Variants in ARHGAP32 observed in about 807,000 individuals in gnomAD.
ARHGAP32 encodes the protein rho GTPase-activating protein 32.
Under a neutral mutation model 186.5 loss-of-function variants are expected in ARHGAP32, and 51 were observed. The ratio of observed to expected loss-of-function variants is 0.27; its 90% confidence interval spans 0.22 to 0.35. The LOEUF is 0.35. Among genes scored for constraint, ARHGAP32 ranks in the 10% least tolerant of loss-of-function variants. The pLI is 1.00. For missense variants in ARHGAP32, 2,186 were observed against 2,623.5 expected (o/e 0.83, Z 3.64); for synonymous variants, 950 against 964.3 (o/e 0.99, Z 0.27).
intron 14 of ARHGAP32, 150 bp downstream of exon 14, chr11:128,986,374 A>T: frequency 1.2e-6 from 1 of 825,254 alleles, no homozygotes; most frequent in Non-Finnish European, 1.9e-6. Flanking sequence ...AGCAAAGACC[A>T]CCGACTAGCT....
In ARHGAP32 at chr11:128,970,861, C is replaced by G. The variant is rs143540671; in HGVS notation, c.4352G>C (p.Ser1451Thr). The G allele has an allele frequency of 5.0e-6, 8 of 1,614,258 alleles. No individual in the cohort carries two copies. Among genetic ancestry groups the G allele is most frequent in the Middle Eastern group, 1.6e-4 (1 of 6,062 alleles). Residue 1451 changes from serine (S) to threonine (T), a missense_variant, in exon 23 of 23, where the codon AGT (serine) becomes ACT (threonine). By Grantham distance (58) the Ser-to-Thr change is moderately conservative (BLOSUM62 1). This residue lies in a region of ARHGAP32 where 1,502 missense variants were observed against 1,570.0 expected (regional missense o/e 0.96). Transcript: ENST00000682385. The surrounding 1 kb of genome is among the most constrained non-coding windows in gnomAD (Gnocchi z 5.8). Reference protein sequence around the residue: ...IHSSSADATSSSNYHSFVTAS... With the variant: ...IHSSSADATSTSNYHSFVTAS... ...AGTGACAAAGGAATGATAATTTGAA[C>G]TGCTGGTGGCATCTGCACTGCTGGA...
At chr11:129,029,919 AATGT>A (rs1939041570) in intron 11 of ARHGAP32, among the ~76,000 whole-genome samples, 1 of 152,002 alleles carries the variant, frequency 6.6e-6, no homozygotes, top group African/African-American at 2.4e-5. Flanking sequence ...AAACAATGGA[AATGT>A]AAGTATTCAT....
At chr11:128,981,761 A>T (rs1382168954) in intron 16 of ARHGAP32, 68 bp downstream of exon 16, 8 of 1,283,286 alleles carry the variant, frequency 6.2e-6, no homozygotes, top group Non-Finnish European at 8.8e-6. Flanking sequence ...TTCCTTAAAG[A>T]ACACTGATGA....
chr11:129,228,257 G>A (rs56097375), intron 1 of ARHGAP32, among the ~76,000 whole-genome samples: 20,545 of 152,128 alleles, frequency 0.14, 1,577 homozygotes, highest in African/African-American at 0.2. Context: ...GTAAATGCCT[G>A]TATTTTAAAA....
At chr11:129,093,353 T>C (rs1430760137) in intron 6 of ARHGAP32, among the ~76,000 whole-genome samples, 1 of 152,110 alleles carries the variant, frequency 6.6e-6, no homozygotes, top group Admixed American at 6.5e-5. Flanking sequence ...TTAGGAACTT[T>C]CTAAAAGTGC....
rs185123008 is a variant in ARHGAP32, at chr11:129,049,190, C to T, written c.964-8181G>A. ...GAAGGGAGGAAGATAAGAAGCAGTA[C>T]ACCACTTCAGGAATTTGCAAAATAG... On this transcript the variant is annotated intron_variant, in intron 10 of 22. Transcript: ENST00000682385. 2.4e-4 allele frequency among the ~76,000 whole-genome samples: 37 copies of T among 152,130 alleles called. 1 individual carries two copies. In the East Asian group the frequency reaches 7.1e-3, roughly 29 times the overall value.
rs554320776 is a variant in ARHGAP32 at position 129,025,900 on chromosome 11, T to C, written c.1045+15028A>G. Among the ~76,000 whole-genome samples the C allele has an allele frequency of 6.7e-5, 10 of 149,434 alleles. No homozygotes were observed. In the East Asian group the frequency reaches 1.9e-3, roughly 29 times the overall value. ...TATATGTTATATTACTTGACATATATATTTAAGTAATACATGTTATTACTT... is the reference window on the plus strand; with the variant it reads ...TATATGTTATATTACTTGACATATACATTTAAGTAATACATGTTATTACTT... On this transcript the variant is annotated intron_variant, in intron 11 of 22. Coordinates refer to ENST00000682385, the MANE Select transcript of ARHGAP32 (RefSeq NM_001378024.1).
chr11:129,033,696 T>A (rs1467971561), intron 11 of ARHGAP32, among the ~76,000 whole-genome samples: 1 of 152,212 alleles, frequency 6.6e-6, no homozygotes, highest in Admixed American at 6.5e-5. Flanking sequence ...TTCTAAAAGT[T>A]TTATTGTTTC....
chr11:129,179,353 A>C (rs1392857060), intron 1 of ARHGAP32, among the ~76,000 whole-genome samples: 5 of 152,346 alleles, frequency 3.3e-5, no homozygotes, highest in South Asian at 4.1e-4. Context: ...CTGGGACTGT[A>C]AACTAGTTCA....
intron 2 of ARHGAP32, among the ~76,000 whole-genome samples, chr11:129,151,188 T>A (rs1041653040): frequency 1.1e-4 from 16 of 152,178 alleles, no homozygotes; most frequent in Non-Finnish European, 1.5e-5. Flanking sequence ...ATCACAATCC[T>A]AAATATATAC....
intron 2 of ARHGAP32, among the ~76,000 whole-genome samples, chr11:129,141,399 A>G (rs1179117363): frequency 2.0e-5 from 3 of 152,240 alleles, no homozygotes; most frequent in African/African-American, 7.2e-5. Flanking sequence ...GCATGTTCTC[A>G]CTTATAGGTG....
chr11:129,244,861 C>T (rs1300282975), intron 1 of ARHGAP32, among the ~76,000 whole-genome samples: 1 of 151,658 alleles, frequency 6.6e-6, no homozygotes, highest in Non-Finnish European at 1.5e-5. Flanking sequence ...CTCACCATCA[C>T]TGGCCATCAG....
At chr11:129,219,659 T>C (rs1944688483) in intron 1 of ARHGAP32, among the ~76,000 whole-genome samples, 1 of 150,962 alleles carries the variant, frequency 6.6e-6, no homozygotes, top group Non-Finnish European at 1.5e-5. Context: ...TTTCAAACTT[T>C]TCTCATTTTT....
chr11:129,122,797 C>T (rs1315884736), intron 5 of ARHGAP32, among the ~76,000 whole-genome samples: 1 of 151,996 alleles, frequency 6.6e-6, no homozygotes, highest in African/African-American at 2.4e-5. Context: ...GTGTAGAAAT[C>T]AAGACTTTTT....
At chr11:129,016,450 A>G (rs1253780586) in intron 11 of ARHGAP32, among the ~76,000 whole-genome samples, 1 of 152,062 alleles carries the variant, frequency 6.6e-6, no homozygotes, top group East Asian at 1.9e-4. Flanking sequence ...TTTTAGGGAG[A>G]GATATATACT....
intron 5 of ARHGAP32, among the ~76,000 whole-genome samples, chr11:129,097,504 G>A (rs915878170): frequency 6.6e-6 from 1 of 152,100 alleles, no homozygotes; most frequent in African/African-American, 2.4e-5. Context: ...AAATTTTGTA[G>A]CTGAGAAGTA....
At chr11:129,124,771 T>G (rs768164691) in intron 3 of ARHGAP32, 32 bp downstream of exon 3, 20 of 1,463,568 alleles carry the variant, frequency 1.4e-5, no homozygotes, top group African/African-American at 2.9e-5. Context: ...TCGTAGGAAT[T>G]CATTTAGAAT....
At chr11:129,153,854 A>C (rs1022550753) in intron 2 of ARHGAP32, among the ~76,000 whole-genome samples, 1 of 152,188 alleles carries the variant, frequency 6.6e-6, no homozygotes, top group African/African-American at 2.4e-5. Context: ...ACCCAAAAGC[A>C]AATGCAACAA....
chr11:128,965,644 C>T lies in ARHGAP32; in HGVS notation c.*3263G>A, dbSNP rs1190301781. On this transcript the variant is annotated 3_prime_UTR_variant, in exon 23 of 23. Coordinates refer to ENST00000682385, the MANE Select transcript of ARHGAP32 (RefSeq NM_001378024.1). ...AGTGCTGAAAATCACATGCCTCTAACCATGTGGAAGAAGTAACTGTCTGAC... is the reference window on the plus strand; with the variant it reads ...AGTGCTGAAAATCACATGCCTCTAATCATGTGGAAGAAGTAACTGTCTGAC... The T allele has an allele frequency of 5.9e-5, 9 of 152,208 alleles. No homozygotes were observed. Among genetic ancestry groups the T allele is most frequent in the African/African-American group, 2.2e-4 (9 of 41,442 alleles). 9.4% of individuals were successfully genotyped at this position (152,208 alleles called of 1,614,324 possible). A position where few individuals can be genotyped will look rare whatever the true frequency, so the allele number is the denominator to read the frequency against.
Sources: gnomAD v4.1 joint callset for allele counts (sites outside exome capture counted in the v4.1 genomes callset) on GRCh38, gnomAD v4.1.1 for gene constraint, gnomAD v4.1.1 regional missense constraint, Gnocchi (gnomAD v3.1) non-coding constraint, MANE v1.5 for transcripts, NCBI Gene and HGNC (gene_info 2026-07-23, HGNC 2026-07-21) for gene names.